The following OSBPL10 variants were observed in gnomAD, a reference collection of about 807,000 sequenced individuals.
The protein encoded by OSBPL10 is oxysterol-binding protein-related protein 10.
A neutral mutation model predicts 81.7 loss-of-function variants in OSBPL10; 49 were observed. The ratio of observed to expected loss-of-function variants is 0.60; its 90% CI spans 0.48 to 0.76. OSBPL10 has a LOEUF of 0.76. Ranked by LOEUF, OSBPL10 falls within the 30% of genes least tolerant of loss-of-function variation. The pLI is 0.00. For missense variants in OSBPL10, 923 were observed against 987.8 expected, an observed-to-expected ratio of 0.93 and a Z score of 0.88; for synonymous variants, 419 against 383.6, an observed-to-expected ratio of 1.09 and a Z score of -1.08.
In OSBPL10 at chr3:31,702,527, T is replaced by C. The variant is rs377333901; in HGVS notation, c.1096-19A>G. On this transcript the variant is annotated intron_variant, in intron 6 of 11. Coordinates refer to ENST00000396556, the MANE Select transcript of OSBPL10 (RefSeq NM_017784.5). ...AGTTTGGCTAAAATGAAATAATCAA[T>C]AAAAATCACCAGCTGGCCCAATAGA... 3 of 1,613,760 alleles carry C rather than the reference T, an allele frequency of 1.9e-6. No individual in the cohort carries two copies. Among genetic ancestry groups the C allele is most frequent in the Non-Finnish European group, 2.5e-6 (3 of 1,179,798 alleles).
chr3:31,792,740 AGTGTGT>A (rs10575874), intron 4 of OSBPL10, among the ~76,000 whole-genome samples: 5,880 of 133,654 alleles, frequency 0.044, 145 homozygotes, highest in Admixed American at 0.06. Flanking sequence ...CCAGACACAG[AGTGTGT>A]GTGTGTGTGT....
chr3:31,705,795 A>G (rs780302467), intron 6 of OSBPL10, among the ~76,000 whole-genome samples: 55 of 152,290 alleles, frequency 3.6e-4, no homozygotes, highest in Admixed American at 5.2e-4. Flanking sequence ...ATTTTCACTT[A>G]TAAAACAGTA....
intron 6 of OSBPL10, among the ~76,000 whole-genome samples, chr3:31,705,781 G>A (rs1696045088): frequency 6.6e-6 from 1 of 152,110 alleles, no homozygotes; most frequent in Non-Finnish European, 1.5e-5. Flanking sequence ...CTGAATCTCT[G>A]CGAATTTTCA....
chr3:31,719,268 C>CT (rs1170013613), intron 6 of OSBPL10, among the ~76,000 whole-genome samples: 1 of 152,168 alleles, frequency 6.6e-6, no homozygotes, highest in Non-Finnish European at 1.5e-5. Context: ...GTTGTTACTG[C>CT]TTCTTACCTC....
At chr3:32,000,225 C>T (rs1228204350) in intron 2 of OSBPL10, among the ~76,000 whole-genome samples, 1 of 152,164 alleles carries the variant, frequency 6.6e-6, no homozygotes, top group Non-Finnish European at 1.5e-5. Flanking sequence ...TTCACTGTAG[C>T]ATGGTCATGC....
At chr3:31,672,343 A>C (rs1559408227) in intron 8 of OSBPL10, among the ~76,000 whole-genome samples, 4 of 93,562 alleles carry the variant, frequency 4.3e-5, no homozygotes, top group Admixed American at 3.0e-4. Flanking sequence ...AATCACTTAG[A>C]GCTAGAATTT....
At chr3:31,904,762 A>C (rs1696353830) in intron 1 of OSBPL10, among the ~76,000 whole-genome samples, 1 of 152,200 alleles carries the variant, frequency 6.6e-6, no homozygotes, top group South Asian at 2.1e-4. Flanking sequence ...AGGCAACCTG[A>C]ATCAAAATCA....
intron 1 of OSBPL10, among the ~76,000 whole-genome samples, chr3:31,917,305 A>T (rs1227871064): frequency 6.6e-6 from 1 of 152,228 alleles, no homozygotes; most frequent in Non-Finnish European, 1.5e-5. Flanking sequence ...CAATCTTTAC[A>T]GTCTTTATAG....
intron 4 of OSBPL10, among the ~76,000 whole-genome samples, chr3:31,818,908 T>C (rs1189745604): frequency 6.6e-6 from 1 of 152,180 alleles, no homozygotes; most frequent in East Asian, 1.9e-4. Flanking sequence ...CCGCTTTCTT[T>C]AAAAATCACT....
intron 3 of OSBPL10, among the ~76,000 whole-genome samples, chr3:31,840,520 A>T (rs757645568): frequency 2.8e-4 from 43 of 152,222 alleles, no homozygotes; most frequent in Admixed American, 1.8e-3. Context: ...AATCCCACTA[A>T]TTACTATTCC....
intron 1 of OSBPL10, among the ~76,000 whole-genome samples, chr3:32,062,575 G>T (rs1484499339): frequency 1.1e-5 from 1 of 94,774 alleles, no homozygotes; most frequent in African/African-American, 2.7e-5. Context: ...TGCTGGTCCA[G>T]ACAAAACTCT....
chr3:31,956,230 G>C (rs1319697259), intron 1 of OSBPL10, among the ~76,000 whole-genome samples: 2 of 152,220 alleles, frequency 1.3e-5, no homozygotes, highest in Non-Finnish European at 2.9e-5. Flanking sequence ...CTGCTAGAGA[G>C]TAAAACTCTT....
chr3:31,752,028 G>T (rs1697739247), intron 4 of OSBPL10, among the ~76,000 whole-genome samples: 1 of 152,010 alleles, frequency 6.6e-6, no homozygotes, highest in Non-Finnish European at 1.5e-5. Flanking sequence ...TTTAATTAAG[G>T]GCACATGTGA....
chr3:31,899,951 G>T (rs922577676), intron 1 of OSBPL10, among the ~76,000 whole-genome samples: 4 of 151,336 alleles, frequency 2.6e-5, no homozygotes, highest in South Asian at 2.1e-4. Context: ...TTACTTTTAT[G>T]AAACCAACTT....
intron 4 of OSBPL10, among the ~76,000 whole-genome samples, chr3:31,798,696 T>G (rs1428088560): frequency 6.6e-6 from 1 of 152,188 alleles, no homozygotes; most frequent in African/African-American, 2.4e-5. Flanking sequence ...GCCTTTTGCC[T>G]AATGCCATAC....
Position 31,879,773 on chromosome 3 carries a change from G to A in OSBPL10, c.339C>T (p.Ser113=). ...GILQYFVNEQ[S]KHQKPRGVLS... ...GGACTCCTCGAGGCTTCTGGTGTTT[G>A]CTTTGCTCATTCACAAAATACTGCA... The change falls in exon 2 of 12, where the codon AGC becomes AGT. Residue 113 remains serine, a synonymous_variant. Transcript: ENST00000396556. 6.2e-7 allele frequency: 1 copy of A among 1,614,170 alleles called. No individual in the cohort carries two copies. The highest frequency in any genetic ancestry group is 8.5e-7 in the Non-Finnish European group (1 of 1,180,026).
At chr3:31,877,408 T>G (rs1701504006) in intron 2 of OSBPL10, among the ~76,000 whole-genome samples, 1 of 152,198 alleles carries the variant, frequency 6.6e-6, no homozygotes, top group Non-Finnish European at 1.5e-5. Context: ...AGTAGTCATG[T>G]TGTATAGTTA....
At chr3:31,989,764 T>C (rs1197889561) in intron 2 of OSBPL10, 1 of 1,614,148 alleles carries the variant, frequency 6.2e-7, no homozygotes, top group South Asian at 1.1e-5. Flanking sequence ...AAGAGAAAAA[T>C]CTTTCCAATG....
At chr3:31,745,015 G>A in intron 5 of OSBPL10, among the ~76,000 whole-genome samples, 1 of 152,062 alleles carries the variant, frequency 6.6e-6, no homozygotes, top group East Asian at 1.9e-4. Flanking sequence ...CCTCAGCGAG[G>A]GTCACTGAGG....
Sources: gnomAD v4.1 joint callset for allele counts (sites outside exome capture counted in the v4.1 genomes callset) on GRCh38, gnomAD v4.1.1 for gene constraint, MANE v1.5 for transcripts, NCBI Gene and HGNC (gene_info 2026-07-23, HGNC 2026-07-21) for gene names.